Variants in NELL1 observed in about 807,000 individuals in gnomAD.
NELL1 encodes the protein neural EGFL like 1.
NELL1 carries 76 observed loss-of-function variants against 107.4 expected under a neutral mutation model. The observed-to-expected ratio is 0.71, with a 90% CI of 0.59 to 0.86. The LOEUF is 0.86. NELL1 is among the 40% of genes least tolerant of loss of function. The probability of loss-of-function intolerance (pLI) is 0.00; values close to 1 mark genes in which losing one functional copy is unlikely to be tolerated. For missense variants in NELL1, 1,024 were observed against 1,005.5 expected (o/e 1.02, Z -0.25); for synonymous variants, 353 against 341.2 (o/e 1.03, Z -0.38).
chr11:20,846,187 G>T (rs1848698535), intron 3 of NELL1, among the ~76,000 whole-genome samples: 1 of 152,132 alleles, frequency 6.6e-6, no homozygotes, highest in African/African-American at 2.4e-5. Flanking sequence ...ATGATTCTTT[G>T]TACTGGTGCA....
intron 12 of NELL1, among the ~76,000 whole-genome samples, chr11:21,043,625 G>A (rs1325654134): frequency 6.6e-6 from 1 of 152,140 alleles, no homozygotes; most frequent in East Asian, 1.9e-4. Flanking sequence ...CCAACGACTG[G>A]TTTTTGGTGA....
intron 11 of NELL1, among the ~76,000 whole-genome samples, chr11:20,955,829 T>G (rs1228993495): frequency 6.6e-6 from 1 of 152,212 alleles, no homozygotes; most frequent in African/African-American, 2.4e-5. Context: ...AAAATTTTAT[T>G]TCAAAAATAA....
intron 2 of NELL1, among the ~76,000 whole-genome samples, chr11:20,699,754 A>C (rs1050597864): frequency 1.3e-5 from 2 of 152,192 alleles, no homozygotes; most frequent in African/African-American, 4.8e-5. Context: ...TGCATGTGCA[A>C]GTTTCTTTTT....
chr11:21,023,380 C>T (rs950926414), intron 12 of NELL1, among the ~76,000 whole-genome samples: 1 of 151,976 alleles, frequency 6.6e-6, no homozygotes, highest in African/African-American at 2.4e-5. Context: ...ACAATACAGC[C>T]AGCCACAGCT....
intron 2 of NELL1, among the ~76,000 whole-genome samples, chr11:20,694,203 T>C (rs917919210): frequency 6.6e-6 from 1 of 152,078 alleles, no homozygotes; most frequent in African/African-American, 2.4e-5. Flanking sequence ...TTTTTCAAAG[T>C]TTTCAACTTC....
In NELL1 at chr11:21,549,030, T is replaced by G. The variant is rs145556719; in HGVS notation, c.1787-11159T>G. On this transcript the variant is annotated intron_variant, in intron 16 of 19. Coordinates refer to ENST00000357134, the MANE Select transcript of NELL1 (RefSeq NM_006157.5). ...TTATTAACTAGAAGACAAAAATAAT[T>G]TTTAAAATAGAAATATAAAACTTCA... Among the ~76,000 whole-genome samples, 107 of 151,692 alleles carry G rather than the reference T, an allele frequency of 7.1e-4. No individual in the cohort carries two copies. In the East Asian group the frequency reaches 0.014, roughly 19 times the overall value.
chr11:21,276,298 T>C (rs374640830), intron 14 of NELL1, among the ~76,000 whole-genome samples: 1 of 152,138 alleles, frequency 6.6e-6, no homozygotes, highest in Non-Finnish European at 1.5e-5. Context: ...CCATTCACAA[T>C]TGCTTCAAAG....
chr11:20,857,670 C>T (rs114254250), intron 4 of NELL1, among the ~76,000 whole-genome samples: 1 of 152,188 alleles, frequency 6.6e-6, no homozygotes, highest in Non-Finnish European at 1.5e-5. Flanking sequence ...CATGCTCAGT[C>T]TCTGCAGGAC....
At chr11:21,173,353 C>T (rs1280633351) in intron 13 of NELL1, among the ~76,000 whole-genome samples, 1 of 151,816 alleles carries the variant, frequency 6.6e-6, no homozygotes, top group African/African-American at 2.4e-5. Flanking sequence ...CTCTGCTTTG[C>T]TTATAATTAG....
rs1243100077 is a variant in NELL1 at position 20,691,165 on chromosome 11, A to C, written c.184+13105A>C. ...TGAGACTTTGCTGAAGTTGCTTATC[A>C]GCTTAAGGAGATTTTGGGCTGAGAC... On this transcript the variant is annotated intron_variant, in intron 2 of 19. Coordinates refer to ENST00000357134, the MANE Select transcript of NELL1 (RefSeq NM_006157.5). Among the ~76,000 whole-genome samples, 4 of 152,102 alleles carry C rather than the reference A, an allele frequency of 2.6e-5. No homozygotes were observed. The East Asian group carries it at 7.7e-4, about 29-fold the overall frequency.
intron 12 of NELL1, among the ~76,000 whole-genome samples, chr11:20,995,525 C>T (rs2134264412): frequency 6.6e-6 from 1 of 152,066 alleles, no homozygotes; most frequent in African/African-American, 2.4e-5. Flanking sequence ...TTACAGTGAG[C>T]AGAGATCGCA....
intron 3 of NELL1, among the ~76,000 whole-genome samples, chr11:20,804,923 G>A (rs1030316965): frequency 4.6e-5 from 7 of 152,090 alleles, no homozygotes; most frequent in Admixed American, 3.9e-4. Flanking sequence ...TTGTTTTTAG[G>A]TCTAATAATA....
chr11:20,699,102 A>T (rs890391478), intron 2 of NELL1, among the ~76,000 whole-genome samples: 1 of 151,560 alleles, frequency 6.6e-6, no homozygotes, highest in African/African-American at 2.4e-5. Context: ...CTGTAGCCCT[A>T]GCTACTCGGG....
At chr11:20,881,560 G>T (rs1397982421) in intron 4 of NELL1, among the ~76,000 whole-genome samples, 3 of 152,180 alleles carry the variant, frequency 2.0e-5, no homozygotes, top group Non-Finnish European at 4.4e-5. Context: ...ACATATAGAA[G>T]CCCTCAATAC....
intron 12 of NELL1, among the ~76,000 whole-genome samples, chr11:21,093,683 A>T (rs1278705918): frequency 1.3e-5 from 2 of 152,214 alleles, no homozygotes; most frequent in Non-Finnish European, 2.9e-5. Context: ...ATGAGGAGCA[A>T]GTCACGTCTT....
intron 12 of NELL1, among the ~76,000 whole-genome samples, chr11:20,979,763 C>G (rs558631352): frequency 6.6e-6 from 1 of 152,286 alleles, no homozygotes; most frequent in Admixed American, 6.5e-5. Flanking sequence ...ATGGGGCCAC[C>G]AGGCTAACAG....
chr11:21,094,771 G>T (rs2133694449), intron 12 of NELL1, among the ~76,000 whole-genome samples: 1 of 152,292 alleles, frequency 6.6e-6, no homozygotes, highest in Non-Finnish European at 1.5e-5. Context: ...TCCCTAGGCT[G>T]CACATAGCAC....
chr11:21,116,938 C>A (rs943301721), intron 13 of NELL1, among the ~76,000 whole-genome samples: 5 of 151,958 alleles, frequency 3.3e-5, no homozygotes, highest in African/African-American at 1.2e-4. Context: ...CATGGAAAAT[C>A]AAATCCCTGT....
chr11:20,877,028 C>T (rs1367100129), intron 4 of NELL1, among the ~76,000 whole-genome samples: 2 of 152,130 alleles, frequency 1.3e-5, no homozygotes, highest in Non-Finnish European at 1.5e-5. Flanking sequence ...TCTGTTATGT[C>T]CCCTTAGCAT....
Sources: gnomAD v4.1 joint callset for allele counts (sites outside exome capture counted in the v4.1 genomes callset) on GRCh38, gnomAD v4.1.1 for gene constraint, MANE v1.5 for transcripts, NCBI Gene and HGNC (gene_info 2026-07-23, HGNC 2026-07-21) for gene names.